The following SYCE2 variants were observed in gnomAD, a reference collection of about 807,000 sequenced individuals.
The protein encoded by SYCE2 is central element synaptonemal complex 1.
In SYCE2, 3 loss-of-function variants were observed where a neutral mutation model predicts 27.9. That is an observed-to-expected ratio of 0.11 (90% confidence interval 0.05 to 0.28). SYCE2 has a LOEUF of 0.28. SYCE2 is among the 10% of genes least tolerant of loss of function. SYCE2 has a pLI of 1.00. For synonymous variants in SYCE2, 85 were observed against 100.7 expected (o/e 0.84, Z 0.93); for missense variants, 207 against 263.5 (o/e 0.79, Z 1.48).
intron 2 of SYCE2, among the ~76,000 whole-genome samples, chr19:12,907,695 G>A (rs1970962089): frequency 6.6e-6 from 1 of 152,216 alleles, no homozygotes; most frequent in African/African-American, 2.4e-5. Flanking sequence ...GCGGACTGAG[G>A]CAGGAGGATC....
At chr19:12,899,559 C>T (rs994008457) in intron 5 of SYCE2, 174 bp from the exon 6 acceptor site, 1 of 1,614,050 alleles carries the variant, frequency 6.2e-7, no homozygotes, top group Non-Finnish European at 8.5e-7. Flanking sequence ...CATCAGGGGC[C>T]CGAAACTCTC....
chr19:12,901,309 G>A (rs1406014547), intron 3 of SYCE2, among the ~76,000 whole-genome samples: 1 of 151,944 alleles, frequency 6.6e-6, no homozygotes. Flanking sequence ...CTGGGAGGTG[G>A]AGGTTGCAGT....
chr19:12,903,255 C>T (rs1180710932), intron 3 of SYCE2, among the ~76,000 whole-genome samples: 1 of 151,710 alleles, frequency 6.6e-6, no homozygotes, highest in African/African-American at 2.4e-5. Context: ...CCACGCCCAG[C>T]TAATTTTTTG....
At chr19:12,901,970 A>G (rs1401238379) in intron 3 of SYCE2, among the ~76,000 whole-genome samples, 1 of 152,124 alleles carries the variant, frequency 6.6e-6, no homozygotes, top group Non-Finnish European at 1.5e-5. Flanking sequence ...GCATAATGAC[A>G]TTTTGGTCAA....
intron 2 of SYCE2, among the ~76,000 whole-genome samples, chr19:12,915,338 C>T (rs897154548): frequency 6.6e-6 from 1 of 152,084 alleles, no homozygotes; most frequent in East Asian, 1.9e-4. Context: ...CGGTGGCTCA[C>T]GCCTATAATC....
At chr19:12,913,047 C>T (rs986514026) in intron 2 of SYCE2, among the ~76,000 whole-genome samples, 2 of 152,234 alleles carry the variant, frequency 1.3e-5, no homozygotes, top group Admixed American at 1.3e-4. Flanking sequence ...GGTTCCTAGG[C>T]TGGCTTCTGT....
rs963678960 is a variant in SYCE2 at position 12,898,846 on chromosome 19, A to G, written c.*495T>C. 11 of 177,358 alleles carry G rather than the reference A, an allele frequency of 6.2e-5. No homozygotes were observed. Among genetic ancestry groups the G allele is most frequent in the Admixed American group, 3.2e-4 (6 of 18,564 alleles). 11.0% of individuals were successfully genotyped at this position (177,358 alleles called of 1,614,324 possible). A position where few individuals can be genotyped will look rare whatever the true frequency, so the allele number is the denominator to read the frequency against. ...GAATTGGCTCTAAAAAGGAGGCTAC[A>G]ATCTGCCTTCTGCTTCAAGGAGCTG... is the stretch of plus-strand genomic sequence containing the variant. On this transcript the variant is annotated 3_prime_UTR_variant, in exon 6 of 6. Coordinates refer to ENST00000293695, the MANE Select transcript of SYCE2 (RefSeq NM_001105578.2).
chr19:12,905,167 G>C (rs1599631890), intron 2 of SYCE2, among the ~76,000 whole-genome samples: 1 of 152,046 alleles, frequency 6.6e-6, no homozygotes, highest in African/African-American at 2.4e-5. Flanking sequence ...TGAATGATGA[G>C]AATGGCACCC....
intron 1 of SYCE2, 101 bp downstream of exon 1, chr19:12,919,142 G>A (rs963936178): frequency 6.6e-7 from 1 of 1,517,332 alleles, no homozygotes; most frequent in Non-Finnish European, 9.1e-7. Flanking sequence ...CAAAGGACAA[G>A]CGGCCGGGCT....
intron 2 of SYCE2, among the ~76,000 whole-genome samples, chr19:12,916,080 T>C (rs1971132685): frequency 6.6e-6 from 1 of 151,418 alleles, no homozygotes; most frequent in Non-Finnish European, 1.5e-5. Flanking sequence ...TTTTTTTTTT[T>C]TTTCCTCGAG....
At position 12,899,364 on chromosome 19, in the gene SYCE2, T is replaced by G; in HGVS notation, c.634A>C (p.Thr212Pro). The G allele has an allele frequency of 6.2e-7, 1 of 1,614,136 alleles. No individual in the cohort carries two copies. Among genetic ancestry groups the G allele is most frequent in the Non-Finnish European group, 8.5e-7 (1 of 1,180,000 alleles). ...TGTCAGCATTCACCATCTCTGTTGGTCTGTACTTCTGAAGCAGTGGCCTGG... is the reference window on the plus strand; with the variant it reads ...TGTCAGCATTCACCATCTCTGTTGGGCTGTACTTCTGAAGCAGTGGCCTGG... ...TSQATASEVQ[T>P]NRDGEC The change falls in exon 6 of 6, where the codon ACC becomes CCC. Residue 212 changes from threonine (T) to proline (P), a missense_variant. Transcript: ENST00000293695.
rs121434367 is a variant in SYCE2 at position 12,899,486 on chromosome 19, C to T, written c.613-101G>A. 1.2e-4 allele frequency: 195 copies of T among 1,614,054 alleles called. No individual in the cohort carries two copies. Among genetic ancestry groups the T allele is most frequent in the Non-Finnish European group, 1.3e-4 (151 of 1,180,040 alleles). On this transcript the variant is annotated intron_variant, in intron 5 of 5. Transcript: ENST00000293695. ...TGTCCAGGTACACATGACATTCACG[C>T]CCTGATCCTTGGGAGAGCTATCACG...
At position 12,899,114 on chromosome 19, in the gene SYCE2, G is replaced by T; in HGVS notation, c.*227C>A. On this transcript the variant is annotated 3_prime_UTR_variant, in exon 6 of 6. Coordinates refer to ENST00000293695, the MANE Select transcript of SYCE2 (RefSeq NM_001105578.2). ...AAACATTTAATAAACTGTGGGGCTG[G>T]GGGTGGGGAGAACTTGCCAAGGGTG... The T allele has an allele frequency of 1.7e-6, 1 of 584,082 alleles. No homozygotes were observed. The highest frequency in any genetic ancestry group is 3.1e-6 in the Non-Finnish European group (1 of 327,848). The allele number at this position is 584,082 out of a possible 1,614,324, so 36.2% of individuals were successfully genotyped here.
chr19:12,899,641 C>T (rs552950984), intron 5 of SYCE2: 7 of 1,612,214 alleles, frequency 4.3e-6, no homozygotes, highest in African/African-American at 1.3e-5. Context: ...AGGGAGGTGG[C>T]GGATGGAGTG....
intron 2 of SYCE2, among the ~76,000 whole-genome samples, chr19:12,916,060 A>G (rs1243751084): frequency 6.8e-6 from 1 of 147,412 alleles, no homozygotes; most frequent in Non-Finnish European, 1.5e-5. Flanking sequence ...ATACTGCCAT[A>G]TCAGCCTTTT....
intron 2 of SYCE2, among the ~76,000 whole-genome samples, chr19:12,908,394 A>G (rs1409876766): frequency 6.7e-6 from 1 of 149,526 alleles, no homozygotes. Flanking sequence ...GCATGATCTC[A>G]GCTCACTGCA....
intron 3 of SYCE2, among the ~76,000 whole-genome samples, chr19:12,901,732 C>T (rs1428667502): frequency 6.6e-6 from 1 of 152,100 alleles, no homozygotes; most frequent in Non-Finnish European, 1.5e-5. Flanking sequence ...TCTCCTGCCT[C>T]AGCCTCCCGA....
rs562712330 is a variant in SYCE2, at chr19:12,911,648, C to T, written c.131+6574G>A. ...TTTTTTTTTTTTTTAGACGAGGTCT[C>T]GCTCAGCTGCCCAGGATGGAGTGCA... On this transcript the variant is annotated intron_variant, in intron 2 of 5. Transcript: ENST00000293695. Among the ~76,000 whole-genome samples the T allele has an allele frequency of 2.3e-3, 299 of 132,746 alleles. 4 individuals carry two copies. Among genetic ancestry groups the T allele is most frequent in the South Asian group, 0.013 (52 of 4,102 alleles). The allele number at this position is 132,746 out of a possible 152,430, so 87.1% of individuals were successfully genotyped here. A position where few individuals can be genotyped will look rare whatever the true frequency, so the allele number is the denominator to read the frequency against.
At chr19:12,908,599 C>T (rs1216702493) in intron 2 of SYCE2, among the ~76,000 whole-genome samples, 1 of 152,140 alleles carries the variant, frequency 6.6e-6, no homozygotes, top group South Asian at 2.1e-4. Context: ...GCTGGGATTA[C>T]AGGCGTGAGC....
Sources: gnomAD v4.1 joint callset for allele counts (sites outside exome capture counted in the v4.1 genomes callset) on GRCh38, gnomAD v4.1.1 for gene constraint, MANE v1.5 for transcripts, NCBI Gene and HGNC (gene_info 2026-07-23, HGNC 2026-07-21) for gene names.